The following SUMF1 variants were observed in gnomAD, a reference collection of about 807,000 sequenced individuals.
The protein encoded by SUMF1 is formylglycine-generating enzyme.
SUMF1 carries 48 observed loss-of-function variants against 47.6 expected under a neutral mutation model. The observed-to-expected ratio is 1.01, with a 90% CI of 0.80 to 1.28. The LOEUF (loss-of-function observed/expected upper bound fraction) is 1.28. SUMF1 is among the 50% of genes most tolerant of loss of function. SUMF1 has a pLI of 0.00. For synonymous variants in SUMF1, 230 were observed against 192.1 expected, an observed-to-expected ratio of 1.20 and a Z score of -1.63; for missense variants, 571 against 485.4, an observed-to-expected ratio of 1.18 and a Z score of -1.66.
chr3:4,214,779 TA>T (rs1195712420), intron 8 of SUMF1, among the ~76,000 whole-genome samples: 1 of 94,388 alleles, frequency 1.1e-5, no homozygotes, highest in African/African-American at 4.5e-5. Context: ...TCTGCGAAAA[TA>T]AGCTAAAAAA....
At chr3:4,045,513 T>C (rs1694989325) in intron 9 of SUMF1, among the ~76,000 whole-genome samples, 2 of 151,926 alleles carry the variant, frequency 1.3e-5, no homozygotes, top group South Asian at 4.2e-4. Flanking sequence ...TAAAATGAGA[T>C]TGTATATATA....
chr3:4,261,293 A>C (rs1697080069), intron 8 of SUMF1, among the ~76,000 whole-genome samples: 1 of 152,180 alleles, frequency 6.6e-6, no homozygotes, highest in South Asian at 2.1e-4. Context: ...GACTTACTTG[A>C]ACAGTAACAT....
rs552442853 is a variant in SUMF1 at position 4,158,384 on chromosome 3, G to A, written c.1015-89639C>T. 9.2e-5 allele frequency among the ~76,000 whole-genome samples: 14 copies of A among 151,402 alleles called. No homozygotes were observed. In the South Asian group the frequency reaches 1.0e-3, roughly 11 times the overall value. On this transcript the variant is annotated intron_variant and NMD_transcript_variant, in intron 8 of 12. Coordinates refer to the SUMF1 transcript ENST00000448413. ...TTTGTGAGCTAACGTGGTCTATCCC[G>A]AGAATGATCCATGTGCTGAGGAGAA...
intron 8 of SUMF1, among the ~76,000 whole-genome samples, chr3:4,282,741 T>A (rs1379697882): frequency 1.3e-5 from 2 of 152,204 alleles, no homozygotes; most frequent in Admixed American, 6.5e-5. Flanking sequence ...AACACTCTCT[T>A]AAAAGAAGGT....
chr3:4,072,849 C>A (rs1692307952), intron 8 of SUMF1, among the ~76,000 whole-genome samples: 1 of 152,266 alleles, frequency 6.6e-6, no homozygotes, highest in South Asian at 2.1e-4. Context: ...AAGACCAAAC[C>A]TACGTTTGAC....
chr3:4,253,382 T>G (rs532966887), intron 8 of SUMF1, among the ~76,000 whole-genome samples: 1 of 152,254 alleles, frequency 6.6e-6, no homozygotes, highest in Admixed American at 6.5e-5. Context: ...TGCCAGACAG[T>G]GGGCGCAGGC....
At chr3:4,311,742 C>T (rs1698413903) in intron 8 of SUMF1, among the ~76,000 whole-genome samples, 1 of 152,216 alleles carries the variant, frequency 6.6e-6, no homozygotes, top group African/African-American at 2.4e-5. Flanking sequence ...ATTTCCCTTT[C>T]ACCTTACTCT....
rs1354555281 is a variant in SUMF1, at chr3:4,080,671, C to T, written c.1015-11926G>A. 2.0e-5 allele frequency among the ~76,000 whole-genome samples: 3 copies of T among 152,146 alleles called. 1 individual carries two copies. Among genetic ancestry groups the T allele is most frequent in the Admixed American group, 6.5e-5 (1 of 15,288 alleles). On this transcript the variant is annotated intron_variant and NMD_transcript_variant, in intron 8 of 12. Transcript: ENST00000448413. ...ATCACACAGACATACATGTAATATA[C>T]GTTACCTTTATAGCAGGAACCAATA...
intron 8 of SUMF1, among the ~76,000 whole-genome samples, chr3:4,298,013 CAG>C (rs1267237281): frequency 7.2e-5 from 11 of 152,098 alleles, no homozygotes; most frequent in African/African-American, 2.7e-4. Flanking sequence ...TATGAAATGT[CAG>C]AGTTTTATTA....
chr3:4,112,979 G>C (rs908700755), intron 8 of SUMF1, among the ~76,000 whole-genome samples: 1 of 152,120 alleles, frequency 6.6e-6, no homozygotes, highest in African/African-American at 2.4e-5. Context: ...GCAGGATGAG[G>C]TGTTCTGATC....
chr3:4,109,549 T>C (rs1162441823), intron 8 of SUMF1, among the ~76,000 whole-genome samples: 2 of 152,158 alleles, frequency 1.3e-5, no homozygotes, highest in Admixed American at 6.5e-5. Context: ...CTTCCCATCA[T>C]TTTCAGGTAC....
At chr3:4,382,822 A>C (rs1358167104) in intron 7 of SUMF1, among the ~76,000 whole-genome samples, 1 of 152,184 alleles carries the variant, frequency 6.6e-6, no homozygotes, top group Non-Finnish European at 1.5e-5. Context: ...ACAATAGAAC[A>C]GAAAACCAAA....
At chr3:4,393,208 C>T (rs973739681) in intron 7 of SUMF1, among the ~76,000 whole-genome samples, 1 of 152,166 alleles carries the variant, frequency 6.6e-6, no homozygotes, top group Non-Finnish European at 1.5e-5. Flanking sequence ...AATATTCTAA[C>T]GTGAGTCTGC....
rs183179388 is a variant in SUMF1 at position 4,061,353 on chromosome 3, T to C, written c.1191+7216A>G. 3.9e-5 allele frequency among the ~76,000 whole-genome samples: 6 copies of C among 152,230 alleles called. No individual in the cohort carries two copies. The South Asian group carries it at 6.2e-4, about 16-fold the overall frequency. On this transcript the variant is annotated intron_variant and NMD_transcript_variant, in intron 9 of 12. Coordinates refer to the SUMF1 transcript ENST00000448413. Reference sequence around the variant, plus strand: ...GAACTAAAACTTACCAGACACCACATCTGGACAATGAAACACCAGATCTCT... The same window carrying C: ...GAACTAAAACTTACCAGACACCACACCTGGACAATGAAACACCAGATCTCT...
At chr3:4,080,911 T>C (rs1161625385) in intron 8 of SUMF1, among the ~76,000 whole-genome samples, 1 of 152,106 alleles carries the variant, frequency 6.6e-6, no homozygotes, top group African/African-American at 2.4e-5. Context: ...AAATCTTGAC[T>C]TTCTCACTTC....
chr3:4,362,368 G>A (rs969792188), intron 8 of SUMF1, 114 bp from the exon 9 acceptor site: 22 of 821,644 alleles, frequency 2.7e-5, no homozygotes, highest in South Asian at 1.7e-4. Flanking sequence ...AACCCTGCCT[G>A]TATGGATACT....
intron 8 of SUMF1, among the ~76,000 whole-genome samples, chr3:4,254,714 C>T (rs1379474116): frequency 6.7e-6 from 1 of 149,740 alleles, no homozygotes; most frequent in East Asian, 1.9e-4. Context: ...AGGAGAACTT[C>T]CCCAATCTAG....
At chr3:4,042,859 T>A (rs1408963541) in intron 9 of SUMF1, among the ~76,000 whole-genome samples, 3 of 152,138 alleles carry the variant, frequency 2.0e-5, no homozygotes, top group African/African-American at 7.2e-5. Context: ...TTAAAGTCCC[T>A]CAGCAAGTTG....
intron 8 of SUMF1, among the ~76,000 whole-genome samples, chr3:4,172,666 A>T (rs1694859556): frequency 6.7e-6 from 1 of 150,058 alleles, no homozygotes; most frequent in Non-Finnish European, 1.5e-5. Flanking sequence ...GTCTGCTTAT[A>T]TCCTTTGCCC....
Sources: gnomAD v4.1 joint callset for allele counts (sites outside exome capture counted in the v4.1 genomes callset) on GRCh38, gnomAD v4.1.1 for gene constraint, MANE v1.5 for transcripts, NCBI Gene and HGNC (gene_info 2026-07-23, HGNC 2026-07-21) for gene names.